Variants in PSAP observed in about 807,000 individuals in gnomAD.
PSAP encodes the protein precursor of saposins.
A neutral mutation model predicts 66.0 loss-of-function variants in PSAP; 25 were observed. The ratio of observed to expected loss-of-function variants is 0.38; its 90% CI spans 0.28 to 0.53. The LOEUF (loss-of-function observed/expected upper bound fraction) is 0.53. Among genes scored for constraint, PSAP ranks in the 20% least tolerant of loss-of-function variants. PSAP has a pLI of 0.83. For missense variants in PSAP, 649 were observed against 668.8 expected (o/e 0.97, Z 0.33); for synonymous variants, 273 against 258.9 (o/e 1.05, Z -0.52).
At chr10:71,822,861 A>T (rs977330467) in intron 7 of PSAP, among the ~76,000 whole-genome samples, 1 of 152,208 alleles carries the variant, frequency 6.6e-6, no homozygotes, top group African/African-American at 2.4e-5. Flanking sequence ...ATCTTGTTTT[A>T]ATATCAAGAA....
chr10:71,835,377 C>T lies in PSAP; in HGVS notation c.41-872G>A, dbSNP rs191028564. Among the ~76,000 whole-genome samples, 463 of 152,078 alleles carry T rather than the reference C, an allele frequency of 3.0e-3. 2 individuals carry two copies. The highest frequency in any genetic ancestry group is 0.01 in the African/African-American group (426 of 41,480). On this transcript the variant is annotated intron_variant, in intron 1 of 13. Transcript: ENST00000394936. ...GTGGGGTCAGTTGAGTCCAGGAGTTCGAGACCAGCCTGGGCAACATGGCAA... is the reference window on the plus strand; with the variant it reads ...GTGGGGTCAGTTGAGTCCAGGAGTTTGAGACCAGCCTGGGCAACATGGCAA...
rs375665041 is a variant in PSAP, at chr10:71,831,296, C to A, written c.250-45G>T. 38 of 1,608,802 alleles carry A rather than the reference C, an allele frequency of 2.4e-5. No homozygotes were observed. The African/African-American group carries it at 4.7e-4, about 20-fold the overall frequency. On this transcript the variant is annotated intron_variant, in intron 3 of 13. Transcript: ENST00000394936. ...TCAGAATCACGATAGGCTTTCCTCC[C>A]TGGAAATAAATGGGCTGAAGGCAAG...
At chr10:71,848,021 G>A (rs905996172) in intron 1 of PSAP, among the ~76,000 whole-genome samples, 10 of 152,182 alleles carry the variant, frequency 6.6e-5, no homozygotes, top group African/African-American at 2.2e-4. Flanking sequence ...CCACATCCCA[G>A]GCACCATCCC....
At position 71,833,023 on chromosome 10, in the gene PSAP, AAAAAAAAACAAAAAAC is replaced by A. The variant is rs1237150816; in HGVS notation, c.175-1119_175-1104del. Among the ~76,000 whole-genome samples, 4 of 146,852 alleles carry A rather than the reference AAAAAAAAACAAAAAAC, an allele frequency of 2.7e-5. 1 individual carries two copies. Among genetic ancestry groups the A allele is most frequent in the South Asian group, 2.2e-4 (1 of 4,534 alleles). On this transcript the variant is annotated intron_variant, in intron 2 of 13. Coordinates refer to ENST00000394936, the MANE Select transcript of PSAP (RefSeq NM_002778.4). Reference sequence around the variant, plus strand: ...CAGAGTGAGAGTCCATCTCAAAAAAAAAAAAAAACAAAAAACAAAAACAGAAGGCCGGGCCATGACA... The same window carrying A: ...CAGAGTGAGAGTCCATCTCAAAAAAAAAAAACAGAAGGCCGGGCCATGACA...
intron 4 of PSAP, among the ~76,000 whole-genome samples, chr10:71,830,521 G>A (rs1425678331): frequency 3.3e-5 from 5 of 152,182 alleles, no homozygotes; most frequent in Non-Finnish European, 7.3e-5. Flanking sequence ...GATGGCCTAG[G>A]AGGCTGTGTA....
At chr10:71,817,614 C>T in intron 13 of PSAP, 138 bp from the exon 14 acceptor site, 1 of 837,296 alleles carries the variant, frequency 1.2e-6, no homozygotes, top group South Asian at 1.4e-5. Context: ...ATGCTGAAGA[C>T]CCAGGACAGG....
At chr10:71,822,614 C>T in intron 7 of PSAP, 1 of 472,242 alleles carries the variant, frequency 2.1e-6, no homozygotes, top group South Asian at 1.5e-5. Flanking sequence ...TCCCCTTTCA[C>T]CATTTAGACA....
At chr10:71,820,198 G>T (rs111759923) in intron 9 of PSAP, 42 bp downstream of exon 9, 28 of 1,534,278 alleles carry the variant, frequency 1.8e-5, no homozygotes, top group South Asian at 3.4e-5. Context: ...TCAGGCTCGG[G>T]GGGGCAGGAG....
At chr10:71,833,240 C>T (rs532948552) in intron 2 of PSAP, among the ~76,000 whole-genome samples, 2 of 152,108 alleles carry the variant, frequency 1.3e-5, no homozygotes, top group East Asian at 1.9e-4. Context: ...GGAGGATGAC[C>T]TTAGCCCAGG....
intron 3 of PSAP, 58 bp downstream of exon 3, chr10:71,831,788 T>C (rs1382407334): frequency 6.5e-7 from 1 of 1,528,646 alleles, no homozygotes; most frequent in Non-Finnish European, 9.1e-7. Context: ...CACAGCTCTC[T>C]TAGGAACCAG....
chr10:71,824,472 T>C (rs536865849), intron 7 of PSAP, among the ~76,000 whole-genome samples: 4 of 152,290 alleles, frequency 2.6e-5, no homozygotes, highest in African/African-American at 9.6e-5. Context: ...TTCTCTATAA[T>C]AAGGGGAAAG....
At position 71,819,622 on chromosome 10, in the gene PSAP, A is replaced by G; in HGVS notation, c.1193T>C (p.Val398Ala). The G allele has an allele frequency of 6.2e-7, 1 of 1,614,158 alleles. No individual in the cohort carries two copies. ...CSGTRLPALT[V>A]HVTQPKDGGF... ...ACCGTCCTTTGGCTGAGTCACGTGA[A>G]CTACATAAGAGGGCAGCGGGCTCAA... is the stretch of plus-strand genomic sequence containing the variant. Residue 398 changes from valine (V) to alanine (A), a missense_variant and splice_region_variant, in exon 11 of 14, where the codon GTT (valine) becomes GCT (alanine). Coordinates refer to ENST00000394936, the MANE Select transcript of PSAP (RefSeq NM_002778.4).
chr10:71,819,439 C>CT, intron 11 of PSAP, 26 bp downstream of exon 11: 1 of 1,613,494 alleles, frequency 6.2e-7, no homozygotes, highest in Non-Finnish European at 8.5e-7. Context: ...CCATGCTGGC[C>CT]TACCGCAGCC....
At chr10:71,823,950 CA>C in intron 7 of PSAP, 8 of 1,256,146 alleles carry the variant, frequency 6.4e-6, no homozygotes, top group Non-Finnish European at 8.4e-6. Flanking sequence ...AAGGAAAGGA[CA>C]CAACAGTTAA....
chr10:71,835,088 A>C (rs1037081303), intron 1 of PSAP, among the ~76,000 whole-genome samples: 2 of 151,982 alleles, frequency 1.3e-5, no homozygotes, highest in East Asian at 1.9e-4. Flanking sequence ...TACAAAAAAA[A>C]ACAATTAGCC....
At chr10:71,847,949 C>G (rs1363378023) in intron 1 of PSAP, among the ~76,000 whole-genome samples, 3 of 152,140 alleles carry the variant, frequency 2.0e-5, no homozygotes. Context: ...AGACAACATT[C>G]AGCAGGCTAG....
intron 8 of PSAP, 50 bp downstream of exon 8, chr10:71,821,826 T>C (rs1767477320): frequency 3.1e-6 from 5 of 1,610,792 alleles, no homozygotes; most frequent in South Asian, 2.2e-5. Context: ...CAGCAGGGAG[T>C]AGTGTGGCAT....
chr10:71,818,013 C>A (rs1402443713), intron 13 of PSAP, among the ~76,000 whole-genome samples: 1 of 152,222 alleles, frequency 6.6e-6, no homozygotes, highest in African/African-American at 2.4e-5. Flanking sequence ...ATGACACAAC[C>A]GCCACTGACA....
At chr10:71,839,147 A>G (rs7350390) in intron 1 of PSAP, among the ~76,000 whole-genome samples, 27,188 of 148,628 alleles carry the variant, frequency 0.18, 2,633 homozygotes, top group East Asian at 0.45. Flanking sequence ...TTTCCAATTA[A>G]ATGTGTCATA....
Sources: gnomAD v4.1 joint callset for allele counts (sites outside exome capture counted in the v4.1 genomes callset) on GRCh38, gnomAD v4.1.1 for gene constraint, MANE v1.5 for transcripts, NCBI Gene and HGNC (gene_info 2026-07-23, HGNC 2026-07-21) for gene names.